CDON: variants seen among roughly 807,000 people sequenced by gnomAD.
CDON encodes the protein cell adhesion associated, oncogene regulated.
CDON carries 73 observed loss-of-function variants against 120.9 expected under a neutral mutation model. That is an observed-to-expected ratio of 0.60 (90% CI 0.50 to 0.73). CDON has a LOEUF of 0.73. Ranked by LOEUF, CDON falls within the 30% of genes least tolerant of loss-of-function variation. The probability of loss-of-function intolerance (pLI) is 0.00; values close to 1 mark genes in which losing one functional copy is unlikely to be tolerated. For missense variants in CDON, 1,470 were observed against 1,587.3 expected (o/e 0.93, Z 1.26); for synonymous variants, 566 against 573.5 (o/e 0.99, Z 0.19).
In CDON at chr11:126,002,067, TA is replaced by T. The variant is rs141383316; in HGVS notation, c.2027-218del. Among the ~76,000 whole-genome samples the T allele has an allele frequency of 0.26, 39,774 of 151,934 alleles. 5,259 individuals carry two copies. Among genetic ancestry groups the T allele is most frequent in the South Asian group, 0.32 (1,541 of 4,808 alleles). On this transcript the variant is annotated intron_variant, in intron 10 of 19. Transcript: ENST00000531738. ...TTTTCTAGTATCTTTAAAATAAAGC[TA>T]AAATGTCTTTCTTCATTCTAACTTT... is the stretch of plus-strand genomic sequence containing the variant.
intron 1 of CDON, among the ~76,000 whole-genome samples, chr11:126,055,572 G>A (rs1199403418): frequency 1.3e-5 from 2 of 152,132 alleles, no homozygotes; most frequent in Non-Finnish European, 2.9e-5. Context: ...ACTTGGACAC[G>A]TCTCTGATAC....
In CDON at chr11:125,997,226, T is replaced by G. The variant is rs543829254; in HGVS notation, c.2343A>C (p.Glu781Asp). 6.2e-7 allele frequency: 1 copy of G among 1,613,604 alleles called. No individual in the cohort carries two copies. The highest frequency in any genetic ancestry group is 1.1e-5 in the South Asian group (1 of 91,076). Residue 781 changes from glutamate (E) to aspartate (D), a missense_variant, in exon 12 of 20, where the codon GAA becomes GAC. Transcript: ENST00000531738. ...TACTACCTGGTTCTAAACTACGAAC[T>G]TCCACTGAAAGTTTGGAAGGAGGGA... Reference protein sequence around the residue: ...EDIPPSKLSVEVRSLEPGSTY... With the variant: ...EDIPPSKLSVDVRSLEPGSTY...
At chr11:125,992,336 C>T (rs532711144) in intron 14 of CDON, among the ~76,000 whole-genome samples, 33 of 152,060 alleles carry the variant, frequency 2.2e-4, no homozygotes, top group Admixed American at 3.9e-4. Context: ...AAATATTATC[C>T]TTCCATTTCT....
intron 18 of CDON, among the ~76,000 whole-genome samples, chr11:125,969,758 G>A (rs747138879): frequency 6.6e-6 from 1 of 152,178 alleles, no homozygotes; most frequent in East Asian, 1.9e-4. Flanking sequence ...ACACAGGAAA[G>A]GCCTGTCTGA....
Position 125,983,789 on chromosome 11 carries a change from G to C in CDON, c.2995+83C>G. 4 of 973,522 alleles carry C rather than the reference G, an allele frequency of 4.1e-6. No individual in the cohort carries two copies. The South Asian group carries it at 5.5e-5, about 13-fold the overall frequency. 60.3% of individuals were successfully genotyped at this position (973,522 alleles called of 1,614,324 possible). A position where few individuals can be genotyped will look rare whatever the true frequency, so the allele number is the denominator to read the frequency against. On this transcript the variant is annotated intron_variant, in intron 16 of 19. Transcript: ENST00000531738. ...CATACCATGACACTAATATACAACA[G>C]TGTTAGAAATCAATATTTATTCTGA...
intron 14 of CDON, among the ~76,000 whole-genome samples, chr11:125,990,408 T>C (rs756443276): frequency 6.6e-6 from 1 of 152,218 alleles, no homozygotes; most frequent in Non-Finnish European, 1.5e-5. Flanking sequence ...AATGATTCTG[T>C]TATCCGTGGC....
At chr11:126,029,326 C>G (rs199537315) in intron 1 of CDON, among the ~76,000 whole-genome samples, 3 of 152,116 alleles carry the variant, frequency 2.0e-5, no homozygotes, top group African/African-American at 7.2e-5. Flanking sequence ...CAAAAAACAA[C>G]GTGGACACAA....
rs12270227 is a variant in CDON at position 125,976,618 on chromosome 11, A to C, written c.3356+1686T>G. The stretch of plus-strand genomic sequence containing the variant: ...ACACACACATGCACACACACACACA[A>C]ACACACACACACACACACACTACAC... On this transcript the variant is annotated intron_variant, in intron 18 of 19. Coordinates refer to ENST00000531738, the MANE Select transcript of CDON (RefSeq NM_001378964.1). 4.6e-5 allele frequency among the ~76,000 whole-genome samples: 7 copies of C among 151,048 alleles called. No homozygotes were observed. In the East Asian group the frequency reaches 1.2e-3, roughly 25 times the overall value.
intron 1 of CDON, among the ~76,000 whole-genome samples, chr11:126,023,904 A>G (rs1351424669): frequency 1.3e-5 from 2 of 152,276 alleles, no homozygotes; most frequent in African/African-American, 2.4e-5. Flanking sequence ...AAGGAAAACA[A>G]CAAAATAATG....
chr11:126,052,326 T>A (rs543080192), intron 1 of CDON, among the ~76,000 whole-genome samples: 2 of 152,162 alleles, frequency 1.3e-5, no homozygotes, highest in Non-Finnish European at 2.9e-5. Context: ...AAAGGACTCA[T>A]ACTATGAAAA....
At chr11:125,991,005 T>C (rs564405080) in intron 14 of CDON, among the ~76,000 whole-genome samples, 1 of 152,298 alleles carries the variant, frequency 6.6e-6, no homozygotes, top group African/African-American at 2.4e-5. Context: ...AAAACTTCTT[T>C]TTTTGTAGTC....
chr11:126,054,749 C>T (rs1264222594), intron 1 of CDON, among the ~76,000 whole-genome samples: 1 of 152,156 alleles, frequency 6.6e-6, no homozygotes, highest in Non-Finnish European at 1.5e-5. Flanking sequence ...CACGTTAATG[C>T]CATCCAGGAT....
At chr11:126,010,943 A>G (rs1169280544) in intron 7 of CDON, 2 of 544,112 alleles carry the variant, frequency 3.7e-6, no homozygotes, top group South Asian at 3.1e-5. Flanking sequence ...GAATATATAT[A>G]AAGAAATCTT....
At chr11:125,966,682 G>A (rs1945809976) in intron 18 of CDON, among the ~76,000 whole-genome samples, 1 of 151,990 alleles carries the variant, frequency 6.6e-6, no homozygotes, top group African/African-American at 2.4e-5. Flanking sequence ...TAATTAAATG[G>A]GTAGAAGCAA....
At chr11:125,985,198 A>G (rs1054815501) in intron 15 of CDON, among the ~76,000 whole-genome samples, 7 of 152,142 alleles carry the variant, frequency 4.6e-5, no homozygotes, top group Admixed American at 2.6e-4. Context: ...TTTTTGAGAC[A>G]AAGTCTCACC....
At chr11:126,049,338 A>G (rs994735340) in intron 1 of CDON, among the ~76,000 whole-genome samples, 23 of 152,240 alleles carry the variant, frequency 1.5e-4, no homozygotes, top group African/African-American at 5.5e-4. Flanking sequence ...CAGATCGTAG[A>G]TAAGTAATGA....
intron 4 of CDON, among the ~76,000 whole-genome samples, chr11:126,019,312 A>C (rs1947562409): frequency 6.6e-6 from 1 of 152,206 alleles, no homozygotes. Flanking sequence ...AGGTGTGATC[A>C]ATTCTATAAA....
chr11:125,970,797 A>G (rs1376883546), intron 18 of CDON, among the ~76,000 whole-genome samples: 1 of 152,202 alleles, frequency 6.6e-6, no homozygotes, highest in African/African-American at 2.4e-5. Context: ...ACGAGCTTAT[A>G]AAGAAAGACA....
chr11:125,977,604 GAACT>G (rs1379583256), intron 18 of CDON, among the ~76,000 whole-genome samples: 1 of 152,076 alleles, frequency 6.6e-6, no homozygotes, highest in Non-Finnish European at 1.5e-5. Flanking sequence ...GTAAAAGAAA[GAACT>G]AAGATTTCTG....
Sources: allele counts gnomAD v4.1 joint callset (sites outside exome capture counted in the v4.1 genomes callset), GRCh38; gene constraint gnomAD v4.1.1; transcripts MANE v1.5; gene names NCBI Gene and HGNC (gene_info 2026-07-23, HGNC 2026-07-21).